SHC4: variants seen among roughly 807,000 people sequenced by gnomAD.
SHC4 encodes the protein SHC adaptor protein 4, also known as SHC-transforming protein 4.
A neutral mutation model predicts 69.4 loss-of-function variants in SHC4; 41 were observed. The ratio of observed to expected loss-of-function variants is 0.59; its 90% confidence interval spans 0.46 to 0.77. SHC4 has a LOEUF of 0.77. SHC4 is among the 30% of genes least tolerant of loss of function. The pLI is 0.00. For synonymous variants in SHC4, 318 were observed against 299.3 expected (o/e 1.06, Z -0.64); for missense variants, 777 against 783.8 (o/e 0.99, Z 0.10).
At chr15:48,927,207 C>T (rs1037133512) in intron 1 of SHC4, among the ~76,000 whole-genome samples, 9 of 152,222 alleles carry the variant, frequency 5.9e-5, no homozygotes, top group African/African-American at 2.2e-4. Context: ...CATATGTCTT[C>T]ACTGACTTCT....
chr15:48,953,222 C>T (rs903714690), intron 1 of SHC4, among the ~76,000 whole-genome samples: 4 of 151,998 alleles, frequency 2.6e-5, no homozygotes, highest in Non-Finnish European at 5.9e-5. Context: ...ATGATGAGAA[C>T]GCATGGACAT....
At chr15:48,883,866 C>T (rs548390041) in intron 4 of SHC4, among the ~76,000 whole-genome samples, 1 of 152,280 alleles carries the variant, frequency 6.6e-6, no homozygotes, top group Admixed American at 6.5e-5. Flanking sequence ...CCCCTTTGTC[C>T]CTCATCTGTA....
At chr15:48,831,273 CTT>C (rs956520001) in intron 11 of SHC4, among the ~76,000 whole-genome samples, 1 of 151,888 alleles carries the variant, frequency 6.6e-6, no homozygotes, top group Non-Finnish European at 1.5e-5. Flanking sequence ...AAAAAATAAA[CTT>C]AGTGTGGTCT....
chr15:48,877,839 A>T (rs1899842675), intron 4 of SHC4: 1 of 205,352 alleles, frequency 4.9e-6, no homozygotes, highest in Non-Finnish European at 9.9e-6. Flanking sequence ...GGAGCATTAA[A>T]TGTTACGAAG....
chr15:48,904,916 GCACACACACACACACACAGACACAA>G (rs1900380655), intron 2 of SHC4, among the ~76,000 whole-genome samples: 2 of 133,202 alleles, frequency 1.5e-5, no homozygotes, highest in African/African-American at 5.7e-5. Flanking sequence ...CGACACACAC[GCACACACACACACACACAGACACAA>G]CACACACACA....
intron 9 of SHC4, among the ~76,000 whole-genome samples, chr15:48,850,464 C>A (rs1358476153): frequency 6.6e-6 from 1 of 152,064 alleles, no homozygotes; most frequent in Admixed American, 6.6e-5. Context: ...AATTTGAGTC[C>A]TTAAATATGG....
intron 1 of SHC4, among the ~76,000 whole-genome samples, chr15:48,933,060 T>G (rs922392045): frequency 3.9e-5 from 6 of 152,138 alleles, no homozygotes; most frequent in Non-Finnish European, 8.8e-5. Flanking sequence ...AAAAACTCAG[T>G]GCTTAATAAT....
chr15:48,864,614 A>AT (rs1465332363), intron 6 of SHC4, among the ~76,000 whole-genome samples: 1 of 150,928 alleles, frequency 6.6e-6, no homozygotes, highest in Admixed American at 6.6e-5. Context: ...CACCCAGCTA[A>AT]TTTTTTGTAT....
chr15:48,874,805 T>G (rs1899762256), intron 4 of SHC4, among the ~76,000 whole-genome samples: 1 of 152,192 alleles, frequency 6.6e-6, no homozygotes, highest in South Asian at 2.1e-4. Context: ...TAGTGGCAAG[T>G]GAGTTGATGT....
In SHC4 at chr15:48,831,920, A is replaced by C. The variant is rs369415222; in HGVS notation, c.1737+2849T>G. Among the ~76,000 whole-genome samples the C allele has an allele frequency of 3.2e-4, 48 of 152,334 alleles. 2 individuals are homozygous for C. The South Asian group carries it at 8.7e-3, about 28-fold the overall frequency. ...TTTCTTGAAAGGCAGATCTAGTGCT[A>C]ACAAACTCCTCATCTTTTGTTTATC... is the stretch of plus-strand genomic sequence containing the variant. On this transcript the variant is annotated intron_variant, in intron 11 of 11. Coordinates refer to ENST00000332408, the MANE Select transcript of SHC4 (RefSeq NM_203349.4).
intron 2 of SHC4, among the ~76,000 whole-genome samples, chr15:48,909,069 T>C (rs1900461168): frequency 6.6e-6 from 1 of 152,210 alleles, no homozygotes; most frequent in South Asian, 2.1e-4. Context: ...GAATTGTTTT[T>C]TCTAATTCTG....
chr15:48,929,361 C>A (rs1369008223), intron 1 of SHC4, among the ~76,000 whole-genome samples: 2 of 152,118 alleles, frequency 1.3e-5, no homozygotes, highest in Non-Finnish European at 1.5e-5. Flanking sequence ...TCTTAAGAAA[C>A]CTGGCCCCAT....
chr15:48,919,889 A>C (rs1279219312), intron 2 of SHC4, among the ~76,000 whole-genome samples: 1 of 152,134 alleles, frequency 6.6e-6, no homozygotes, highest in East Asian at 1.9e-4. Context: ...CATACCAGAT[A>C]TCTTCCCCTT....
intron 2 of SHC4, among the ~76,000 whole-genome samples, chr15:48,893,832 G>A (rs1450184890): frequency 6.6e-6 from 1 of 152,200 alleles, no homozygotes; most frequent in Admixed American, 6.5e-5. Flanking sequence ...CAGAGCACAG[G>A]TGGGGCGTGG....
chr15:48,902,234 C>T (rs1387008263), intron 2 of SHC4, among the ~76,000 whole-genome samples: 1 of 151,624 alleles, frequency 6.6e-6, no homozygotes, highest in Non-Finnish European at 1.5e-5. Flanking sequence ...TGGGTCTAAC[C>T]TAATTTGTAC....
chr15:48,908,445 T>C (rs1301942823), intron 2 of SHC4, among the ~76,000 whole-genome samples: 2 of 152,248 alleles, frequency 1.3e-5, no homozygotes, highest in Admixed American at 6.5e-5. Flanking sequence ...AGATTCTGGA[T>C]ATTAGTCCTT....
In SHC4 at chr15:48,825,859, G is replaced by T; in HGVS notation, c.*112C>A. 5 of 1,283,096 alleles carry T rather than the reference G, an allele frequency of 3.9e-6. No homozygotes were observed. The highest frequency in any genetic ancestry group is 1.5e-5 in the South Asian group (1 of 65,594). 79.5% of individuals were successfully genotyped at this position (1,283,096 alleles called of 1,614,324 possible). On this transcript the variant is annotated 3_prime_UTR_variant, in exon 12 of 12. Coordinates refer to ENST00000332408, the MANE Select transcript of SHC4 (RefSeq NM_203349.4). The stretch of plus-strand genomic sequence containing the variant: ...TGGTCCATGATGGTCTTGGAAAGAT[G>T]CACTTCACAGTTTGTGCTCTATTTT...
chr15:48,835,797 C>T (rs1172592297), intron 10 of SHC4, among the ~76,000 whole-genome samples: 1 of 152,120 alleles, frequency 6.6e-6, no homozygotes, highest in East Asian at 1.9e-4. Context: ...GCGTAGTTCT[C>T]ATTTATCAAG....
intron 9 of SHC4, among the ~76,000 whole-genome samples, chr15:48,849,594 T>A (rs1470398490): frequency 6.6e-6 from 1 of 152,074 alleles, no homozygotes; most frequent in Non-Finnish European, 1.5e-5. Context: ...AATACATGAA[T>A]GAGATAAAAT....
Sources: allele counts gnomAD v4.1 joint callset (sites outside exome capture counted in the v4.1 genomes callset), GRCh38; gene constraint gnomAD v4.1.1; transcripts MANE v1.5; gene names NCBI Gene and HGNC (gene_info 2026-07-23, HGNC 2026-07-21).